Variants in PDE4D observed in about 807,000 individuals in gnomAD.
PDE4D encodes the protein phosphodiesterase 4D, also known as 3',5'-cyclic-AMP phosphodiesterase 4D.
PDE4D carries 24 observed loss-of-function variants against 87.4 expected under a neutral mutation model. The observed-to-expected ratio is 0.27, with a 90% confidence interval of 0.20 to 0.39. The LOEUF (loss-of-function observed/expected upper bound fraction) is 0.39. Ranked by LOEUF, PDE4D falls within the 10% of genes least tolerant of loss-of-function variation. The pLI is 1.00. For synonymous variants in PDE4D, 384 were observed against 383.2 expected (o/e 1.00, Z -0.02); for missense variants, 714 against 1,041.0 (o/e 0.69, Z 4.32).
intron 1 of PDE4D, among the ~76,000 whole-genome samples, chr5:60,316,366 C>G (rs1366469115): frequency 2.6e-5 from 4 of 152,114 alleles, no homozygotes; most frequent in Non-Finnish European, 4.4e-5. Context: ...AGTTGCCTAT[C>G]AGCTTAAGGA....
At chr5:59,639,812 A>AGTGT (rs70975323) in intron 1 of PDE4D, among the ~76,000 whole-genome samples, 4,093 of 143,632 alleles carry the variant, frequency 0.028, 88 homozygotes, top group African/African-American at 0.058. Flanking sequence ...TAGTGTCTAT[A>AGTGT]GTGTGTGTGT....
chr5:59,155,579 T>A (rs898894674), intron 5 of PDE4D, among the ~76,000 whole-genome samples: 1 of 152,184 alleles, frequency 6.6e-6, no homozygotes, highest in Admixed American at 6.5e-5. Context: ...AAAGGATCAA[T>A]AAAGAGTTGG....
At chr5:59,598,085 T>C (rs952659090) in intron 1 of PDE4D, among the ~76,000 whole-genome samples, 6 of 152,158 alleles carry the variant, frequency 3.9e-5, no homozygotes, top group African/African-American at 1.4e-4. Flanking sequence ...TGAAACTGAA[T>C]TGCCTAGCTC....
At chr5:59,288,296 G>T (rs75719162) in intron 1 of PDE4D, among the ~76,000 whole-genome samples, 9,461 of 151,424 alleles carry the variant, frequency 0.062, 311 homozygotes, top group African/African-American at 0.071. Flanking sequence ...GTTAAAACAC[G>T]CAACTGACAT....
Position 59,875,570 on chromosome 5 carries a change from C to G in PDE4D, c.455+17598G>C, listed in dbSNP as rs183015191. 9.5e-4 allele frequency among the ~76,000 whole-genome samples: 144 copies of G among 150,804 alleles called. 1 individual carries two copies. The highest frequency in any genetic ancestry group is 3.4e-3 in the African/African-American group (139 of 41,070). On this transcript the variant is annotated intron_variant, in intron 1 of 14. Transcript: ENST00000340635. The stretch of plus-strand genomic sequence containing the variant: ...CCCATCACTGACTCCTCTTTTCCTC[C>G]TTGCACTTTAAATGGTGCACCTCTG...
chr5:59,389,506 A>ATAT (rs1309897293), intron 1 of PDE4D, among the ~76,000 whole-genome samples: 1 of 152,102 alleles, frequency 6.6e-6, no homozygotes, highest in Non-Finnish European at 1.5e-5. Context: ...ATGGGAATGT[A>ATAT]TATTAGTACA....
chr5:59,126,431 G>A (rs1264916183), intron 5 of PDE4D, among the ~76,000 whole-genome samples: 1 of 152,140 alleles, frequency 6.6e-6, no homozygotes, highest in Admixed American at 6.5e-5. Flanking sequence ...ATCACAAGAA[G>A]CACACTTAAT....
chr5:60,064,111 C>A (rs1160405196), intron 2 of PDE4D, among the ~76,000 whole-genome samples: 1 of 151,954 alleles, frequency 6.6e-6, no homozygotes. Flanking sequence ...TCTTTAAAAT[C>A]TTTTAAATAA....
intron 11 of PDE4D, among the ~76,000 whole-genome samples, chr5:58,977,893 T>G (rs1455980665): frequency 3.3e-5 from 5 of 152,306 alleles, no homozygotes; most frequent in African/African-American, 9.6e-5. Context: ...CATTTTCTTT[T>G]CCAAGTATCG....
intron 1 of PDE4D, among the ~76,000 whole-genome samples, chr5:59,635,410 C>T (rs1490548799): frequency 6.6e-6 from 1 of 152,178 alleles, no homozygotes; most frequent in African/African-American, 2.4e-5. Flanking sequence ...CATCCTGATA[C>T]CAAAAGCTGG....
At chr5:59,082,582 A>G (rs1766962341) in intron 5 of PDE4D, among the ~76,000 whole-genome samples, 1 of 152,178 alleles carries the variant, frequency 6.6e-6, no homozygotes, top group African/African-American at 2.4e-5. Flanking sequence ...TATTCATAAT[A>G]GTAATAAAAC....
chr5:59,111,915 T>C (rs950864101), intron 5 of PDE4D, among the ~76,000 whole-genome samples: 1 of 152,110 alleles, frequency 6.6e-6, no homozygotes. Flanking sequence ...GTGAACAAAA[T>C]AGGCGAAGAT....
At chr5:59,851,832 A>T (rs1178709084) in intron 1 of PDE4D, among the ~76,000 whole-genome samples, 1 of 151,962 alleles carries the variant, frequency 6.6e-6, no homozygotes, top group Admixed American at 6.6e-5. Flanking sequence ...GTCACAAGTG[A>T]CTGAATTCTG....
chr5:60,082,364 A>G (rs555628142), intron 2 of PDE4D, among the ~76,000 whole-genome samples: 1 of 152,322 alleles, frequency 6.6e-6, no homozygotes, highest in African/African-American at 2.4e-5. Context: ...TGCCCTCACT[A>G]GACATTGAAT....
chr5:59,226,191 T>C (rs1753747400), intron 1 of PDE4D, among the ~76,000 whole-genome samples: 1 of 152,204 alleles, frequency 6.6e-6, no homozygotes, highest in Non-Finnish European at 1.5e-5. Flanking sequence ...AAAGAGATAT[T>C]TATATTCCCA....
intron 1 of PDE4D, among the ~76,000 whole-genome samples, chr5:59,465,377 C>A (rs961578548): frequency 1.3e-5 from 2 of 152,134 alleles, no homozygotes; most frequent in African/African-American, 4.8e-5. Flanking sequence ...TACATGTGCA[C>A]ATACACATAT....
At chr5:60,423,537 T>C (rs1173465857) in intron 1 of PDE4D, among the ~76,000 whole-genome samples, 1 of 151,506 alleles carries the variant, frequency 6.6e-6, no homozygotes, top group Non-Finnish European at 1.5e-5. Context: ...TGGGACACAT[T>C]TAAAGCACTG....
At chr5:59,437,627 CCCCA>C (rs1423367006) in intron 1 of PDE4D, among the ~76,000 whole-genome samples, 5 of 151,990 alleles carry the variant, frequency 3.3e-5, no homozygotes, top group African/African-American at 7.3e-5. Flanking sequence ...CATTTTTCTA[CCCCA>C]ACCAGCCAGC....
intron 1 of PDE4D, among the ~76,000 whole-genome samples, chr5:59,704,726 G>A (rs1753131082): frequency 6.6e-6 from 1 of 152,170 alleles, no homozygotes; most frequent in Non-Finnish European, 1.5e-5. Context: ...TCGAGATTGT[G>A]TGGTGTCCAT....
Sources: allele counts gnomAD v4.1 joint callset (sites outside exome capture counted in the v4.1 genomes callset), GRCh38; gene constraint gnomAD v4.1.1; transcripts MANE v1.5; gene names NCBI Gene and HGNC (gene_info 2026-07-23, HGNC 2026-07-21).